PCDH15: variants seen among roughly 807,000 people sequenced by gnomAD.
PCDH15 encodes the protein protocadherin related 15.
Under a neutral mutation model 178.5 loss-of-function variants are expected in PCDH15, and 129 were observed. That is an observed-to-expected ratio of 0.72 (90% CI 0.63 to 0.84). The LOEUF is 0.84. Ranked by LOEUF, PCDH15 falls within the 40% of genes least tolerant of loss-of-function variation. The pLI is 0.00. For missense variants in PCDH15, 2,230 were observed against 2,099.9 expected (o/e 1.06, Z -1.21); for synonymous variants, 800 against 732.0 (o/e 1.09, Z -1.50).
At chr10:54,420,204 C>G (rs1267865144) in intron 3 of PCDH15, among the ~76,000 whole-genome samples, 1 of 152,038 alleles carries the variant, frequency 6.6e-6, no homozygotes, top group South Asian at 2.1e-4. Context: ...TAATATGTTG[C>G]CCATAATGCT....
chr10:53,888,473 G>T (rs1196220047), intron 26 of PCDH15, among the ~76,000 whole-genome samples: 1 of 140,648 alleles, frequency 7.1e-6, no homozygotes, highest in Non-Finnish European at 1.5e-5. Flanking sequence ...AAGTTCAGAT[G>T]TAATAGATAG....
At chr10:54,812,568 C>T (rs1016704622) in intron 3 of PCDH15, among the ~76,000 whole-genome samples, 4 of 152,136 alleles carry the variant, frequency 2.6e-5, no homozygotes, top group African/African-American at 9.7e-5. Flanking sequence ...AAGTGATTCT[C>T]CTGCCTCAGC....
At position 54,540,457 on chromosome 10, in the gene PCDH15, A is replaced by C. The variant is rs570029307; in HGVS notation, c.92-12580T>G. On this transcript the variant is annotated intron_variant, in intron 2 of 37. Transcript: ENST00000644397. ...ACACACAATCTCCCAAAATTTAATC[A>C]GGAAGAAATTAAAACCCTGAACAGA... 8.5e-5 allele frequency among the ~76,000 whole-genome samples: 13 copies of C among 152,254 alleles called. No homozygotes were observed. The South Asian group carries it at 2.7e-3, about 32-fold the overall frequency.
At chr10:55,161,383 G>A (rs1839062049) in intron 2 of PCDH15, among the ~76,000 whole-genome samples, 1 of 151,984 alleles carries the variant, frequency 6.6e-6, no homozygotes, top group Non-Finnish European at 1.5e-5. Flanking sequence ...ATATTGGCGG[G>A]GGTTGGAAAA....
chr10:54,080,369 C>A (rs1475120588), intron 16 of PCDH15, among the ~76,000 whole-genome samples: 1 of 152,086 alleles, frequency 6.6e-6, no homozygotes, highest in Non-Finnish European at 1.5e-5. Flanking sequence ...TTGGCTTGCT[C>A]TCTAATGTAG....
intron 28 of PCDH15, among the ~76,000 whole-genome samples, chr10:53,845,510 T>C (rs994332118): frequency 2.0e-5 from 3 of 151,736 alleles, no homozygotes; most frequent in African/African-American, 7.3e-5. Flanking sequence ...ATAAAGCAAA[T>C]ACAGTATATA....
Position 55,116,434 on chromosome 10 carries a change from C to G in PCDH15, c.-80+50142G>C, listed in dbSNP as rs1377058708. Among the ~76,000 whole-genome samples the G allele has an allele frequency of 2.0e-5, 3 of 151,984 alleles. No individual in the cohort carries two copies. The East Asian group carries it at 5.8e-4, about 29-fold the overall frequency. ...TAGGTAAGCAAAATTTTTCTCTTCT[C>G]CTCTCTCAATTTATTCTTATGCTTT... On this transcript the variant is annotated intron_variant, in intron 2 of 5. Transcript: ENST00000458638.
chr10:54,020,292 G>C lies in PCDH15; in HGVS notation c.2651C>G (p.Ala884Gly), dbSNP rs757624970. The change falls in exon 20 of 38, where the codon GCA (alanine) becomes GGA (glycine). Residue 884 changes from alanine to glycine, a missense_variant. By Grantham distance (60) the Ala-to-Gly change is moderately conservative. Transcript: ENST00000644397. ...LSLLRSLDYE[A>G]FPDQEASITF... ...GATACTTGCTTCTTGGTCTGGAAATGCCTCATAATCTAAACTCCTTAAAAG... is the reference window on the plus strand; with the variant it reads ...GATACTTGCTTCTTGGTCTGGAAATCCCTCATAATCTAAACTCCTTAAAAG... 1.2e-6 allele frequency: 2 copies of C among 1,613,726 alleles called. No homozygotes were observed. The highest frequency in any genetic ancestry group is 1.1e-5 in the South Asian group (1 of 91,078).
chr10:55,492,998 G>C (rs1031548260), intron 2 of PCDH15, among the ~76,000 whole-genome samples: 7 of 151,708 alleles, frequency 4.6e-5, no homozygotes, highest in African/African-American at 1.7e-4. Flanking sequence ...TTGAGGCTAA[G>C]AGACTATACA....
chr10:54,368,556 A>C (rs372181390), intron 5 of PCDH15, among the ~76,000 whole-genome samples: 1 of 152,080 alleles, frequency 6.6e-6, no homozygotes. Flanking sequence ...AAAACAAAGC[A>C]AAACAACAAA....
intron 26 of PCDH15, among the ~76,000 whole-genome samples, chr10:53,870,573 T>C (rs2079766702): frequency 6.6e-6 from 1 of 152,172 alleles, no homozygotes; most frequent in South Asian, 2.1e-4. Flanking sequence ...CCCCTCTTCC[T>C]CAAGTATGTT....
intron 2 of PCDH15, among the ~76,000 whole-genome samples, chr10:55,424,118 TG>T (rs1413737254): frequency 6.6e-6 from 1 of 151,906 alleles, no homozygotes; most frequent in Non-Finnish European, 1.5e-5. Flanking sequence ...CACAAGAAAA[TG>T]TATGAGAAGA....
intron 1 of PCDH15, among the ~76,000 whole-genome samples, chr10:55,289,507 A>T (rs967404034): frequency 9.9e-5 from 15 of 151,792 alleles, no homozygotes; most frequent in African/African-American, 3.4e-4. Flanking sequence ...AGGAAAGAAG[A>T]AAGAAAAGTG....
intron 2 of PCDH15, among the ~76,000 whole-genome samples, chr10:55,368,993 G>T (rs772299181): frequency 8.7e-6 from 1 of 114,806 alleles, no homozygotes; most frequent in Non-Finnish European, 1.7e-5. Flanking sequence ...GGATAGTCCT[G>T]ATCTCATTTT....
At chr10:54,651,964 A>G (rs930735624) in intron 2 of PCDH15, among the ~76,000 whole-genome samples, 1 of 149,034 alleles carries the variant, frequency 6.7e-6, no homozygotes, top group Non-Finnish European at 1.5e-5. Context: ...GTGAACTAAG[A>G]TTTCAATGAC....
chr10:54,848,169 A>G (rs1377987), intron 3 of PCDH15, among the ~76,000 whole-genome samples: 150,838 of 152,102 alleles, frequency 0.99, 74,798 homozygotes, highest in Middle Eastern at 1. Context: ...ACCTGAGGTC[A>G]GGAGTTTGAG....
chr10:55,290,099 T>C (rs1171593096), intron 1 of PCDH15, among the ~76,000 whole-genome samples: 2 of 151,876 alleles, frequency 1.3e-5, no homozygotes, highest in East Asian at 3.8e-4. Context: ...TATGATATTT[T>C]GTTATAGCAA....
At chr10:54,684,097 T>C (rs575143489) in intron 1 of PCDH15, among the ~76,000 whole-genome samples, 1 of 152,174 alleles carries the variant, frequency 6.6e-6, no homozygotes, top group East Asian at 1.9e-4. Flanking sequence ...AGCGATATTT[T>C]TCACATATTA....
chr10:53,959,076 C>T (rs994744923), intron 23 of PCDH15, among the ~76,000 whole-genome samples: 30 of 144,568 alleles, frequency 2.1e-4, no homozygotes, highest in African/African-American at 5.9e-4. Flanking sequence ...TTGACTAAAA[C>T]AGTATATATA....
Sources: allele counts gnomAD v4.1 joint callset (sites outside exome capture counted in the v4.1 genomes callset), GRCh38; gene constraint gnomAD v4.1.1; transcripts MANE v1.5; gene names NCBI Gene and HGNC (gene_info 2026-07-23, HGNC 2026-07-21).